The following SEC24B variants were observed in gnomAD, a reference collection of about 807,000 sequenced individuals.
The protein encoded by SEC24B is SEC24 homolog B, COPII component.
A neutral mutation model predicts 142.8 loss-of-function variants in SEC24B; 45 were observed. That is an observed-to-expected ratio of 0.32 (90% CI 0.25 to 0.40). The LOEUF (loss-of-function observed/expected upper bound fraction) is 0.40, where lower values mean the gene tolerates loss of function less well. SEC24B is among the 10% of genes least tolerant of loss of function. The pLI is 1.00. For missense variants in SEC24B, 1,409 were observed against 1,526.8 expected (o/e 0.92, Z 1.29); for synonymous variants, 574 against 568.2 (o/e 1.01, Z -0.15).
intron 3 of SEC24B, among the ~76,000 whole-genome samples, chr4:109,480,088 A>G (rs1733581171): frequency 6.6e-6 from 1 of 152,160 alleles, no homozygotes; most frequent in East Asian, 1.9e-4. Context: ...TTTTACCGAT[A>G]TTAAAAGATG....
intron 3 of SEC24B, among the ~76,000 whole-genome samples, chr4:109,477,559 C>T (rs990551516): frequency 3.3e-5 from 5 of 152,132 alleles, no homozygotes; most frequent in East Asian, 3.9e-4. Flanking sequence ...CTCCCAGGCT[C>T]GAGTGATTAT....
intron 1 of SEC24B, among the ~76,000 whole-genome samples, chr4:109,437,728 G>A (rs144867490): frequency 1.3e-3 from 194 of 152,258 alleles, no homozygotes; most frequent in African/African-American, 4.2e-3. Context: ...GGGTTCAAGC[G>A]ATTCTCCTGC....
At chr4:109,502,582 C>T (rs543193643) in intron 6 of SEC24B, among the ~76,000 whole-genome samples, 4 of 152,240 alleles carry the variant, frequency 2.6e-5, no homozygotes, top group African/African-American at 7.2e-5. Flanking sequence ...TCAAGAGTAA[C>T]TCCTAGGTTT....
chr4:109,499,531 C>T (rs1212147620), intron 6 of SEC24B, among the ~76,000 whole-genome samples: 8 of 152,186 alleles, frequency 5.3e-5, no homozygotes, highest in East Asian at 1.9e-4. Flanking sequence ...CATACATAAA[C>T]GCACATGCAT....
At chr4:109,434,079 G>GGGCCGGGCC in intron 1 of SEC24B, 77 bp downstream of exon 1, 1 of 953,290 alleles carries the variant, frequency 1.0e-6, no homozygotes, top group Non-Finnish European at 1.3e-6. Context: ...GGGGCGGGGC[G>GGGCCGGGCC]GGCCGGGCCG....
intron 1 of SEC24B, among the ~76,000 whole-genome samples, chr4:109,446,207 T>G (rs1227363131): frequency 6.6e-6 from 1 of 152,128 alleles, no homozygotes; most frequent in African/African-American, 2.4e-5. Context: ...TCCTGGAACT[T>G]GGTAGGCCTG....
intron 12 of SEC24B, 50 bp from the exon 13 acceptor site, chr4:109,521,067 A>T (rs779997243): frequency 8.7e-7 from 1 of 1,148,726 alleles, no homozygotes; most frequent in African/African-American, 1.5e-5. Flanking sequence ...AGATTTTCTA[A>T]TGTATTCTTT....
chr4:109,527,218 C>CA (rs71594190), intron 17 of SEC24B, 104 bp from the exon 18 acceptor site: 42,108 of 637,566 alleles, frequency 0.066, no homozygotes, highest in East Asian at 0.087. Flanking sequence ...GACTCCGTCT[C>CA]AAAAAAAAAA....
In SEC24B at chr4:109,463,450, C is replaced by G; in HGVS notation, c.683C>G (p.Ser228Cys). 7.4e-6 allele frequency: 12 copies of G among 1,614,194 alleles called. No individual in the cohort carries two copies. Among genetic ancestry groups the G allele is most frequent in the Non-Finnish European group, 1.0e-5 (12 of 1,180,038 alleles). ...TVRPVKDNSF[S>C]GQNTAISHPS... ...AGGCCAGTTAAAGATAATTCATTCT[C>G]TGGTCAAAATACAGCTATCAGCCAT... Residue 228 changes from serine (S) to cysteine (C), a missense_variant, in exon 2 of 24, where the codon TCT becomes TGT. Physicochemically the swap from Ser to Cys is moderately radical, Grantham distance 112. Transcript: ENST00000265175.
At chr4:109,510,216 G>A (rs1737174033) in intron 8 of SEC24B, 105 bp downstream of exon 8, 1 of 526,072 alleles carries the variant, frequency 1.9e-6, no homozygotes, top group Non-Finnish European at 3.1e-6. Flanking sequence ...TCTTTTATTT[G>A]AAGTTAGAAA....
In SEC24B at chr4:109,494,859, A is replaced by G. The variant is rs1354511587; in HGVS notation, c.1488+3A>G. The G allele has an allele frequency of 6.2e-7, 1 of 1,613,974 alleles. No homozygotes were observed. Among genetic ancestry groups the G allele is most frequent in the African/African-American group, 1.3e-5 (1 of 74,932 alleles). On this transcript the variant is annotated splice_donor_region_variant and intron_variant, in intron 6 of 23. Coordinates refer to ENST00000265175, the MANE Select transcript of SEC24B (RefSeq NM_006323.5). ...CTGGATTCCAGCAGTATCCTCAAGTATGTATTCAGTCATATACACACATTG... is the reference window on the plus strand; with the variant it reads ...CTGGATTCCAGCAGTATCCTCAAGTGTGTATTCAGTCATATACACACATTG...
At chr4:109,483,034 T>TTATGTATTTATATA (rs1172221220) in intron 4 of SEC24B, among the ~76,000 whole-genome samples, 1 of 108,764 alleles carries the variant, frequency 9.2e-6, no homozygotes, top group African/African-American at 3.9e-5. Flanking sequence ...ATATATGTAT[T>TTATGTATTTATATA]TATATATATG....
At chr4:109,534,864 G>T (rs1483831776) in intron 22 of SEC24B, among the ~76,000 whole-genome samples, 1 of 152,120 alleles carries the variant, frequency 6.6e-6, no homozygotes, top group Non-Finnish European at 1.5e-5. Context: ...TTTTTCTAGA[G>T]ATGGGGTATC....
At chr4:109,467,407 T>C (rs1732060393) in intron 2 of SEC24B, among the ~76,000 whole-genome samples, 1 of 152,126 alleles carries the variant, frequency 6.6e-6, no homozygotes, top group African/African-American at 2.4e-5. Flanking sequence ...GGTTGCACTT[T>C]TGGCTAGTGT....
chr4:109,503,381 A>G (rs1736369584), intron 6 of SEC24B, among the ~76,000 whole-genome samples: 2 of 151,952 alleles, frequency 1.3e-5, no homozygotes, highest in South Asian at 4.1e-4. Context: ...CCGCCACACC[A>G]CACCCAGCTA....
chr4:109,509,791 T>C (rs1737129332), intron 7 of SEC24B, among the ~76,000 whole-genome samples: 1 of 152,128 alleles, frequency 6.6e-6, no homozygotes, highest in Non-Finnish European at 1.5e-5. Flanking sequence ...CCTGAATGTG[T>C]ACTATTTTTC....
chr4:109,512,712 G>A (rs1737486441), intron 9 of SEC24B, among the ~76,000 whole-genome samples: 1 of 151,076 alleles, frequency 6.6e-6, no homozygotes. Flanking sequence ...CTGGAGTGCA[G>A]TTGCACAATA....
At chr4:109,455,460 C>T (rs1730567378) in intron 1 of SEC24B, among the ~76,000 whole-genome samples, 1 of 152,038 alleles carries the variant, frequency 6.6e-6, no homozygotes, top group South Asian at 2.1e-4. Context: ...AGGCTGGTCT[C>T]CAACCCCTGA....
At chr4:109,475,316 G>A (rs1409257912) in intron 3 of SEC24B, among the ~76,000 whole-genome samples, 1 of 152,166 alleles carries the variant, frequency 6.6e-6, no homozygotes, top group Non-Finnish European at 1.5e-5. Context: ...ATGGTGGTGC[G>A]AATTGTCATT....
Sources: gnomAD v4.1 joint callset for allele counts (sites outside exome capture counted in the v4.1 genomes callset) on GRCh38, gnomAD v4.1.1 for gene constraint, MANE v1.5 for transcripts, NCBI Gene and HGNC (gene_info 2026-07-23, HGNC 2026-07-21) for gene names.